ZNF248: variants seen among roughly 807,000 people sequenced by gnomAD.
ZNF248 encodes the protein KRAB protein domain.
Under a neutral mutation model 44.3 loss-of-function variants are expected in ZNF248, and 20 were observed. That is an observed-to-expected ratio of 0.45 (90% CI 0.32 to 0.66). The LOEUF is 0.66. ZNF248 is among the 30% of genes least tolerant of loss of function. The pLI is 0.04. For synonymous variants in ZNF248, 224 were observed against 229.0 expected, an observed-to-expected ratio of 0.98 and a Z score of 0.20; for missense variants, 654 against 677.0, an observed-to-expected ratio of 0.97 and a Z score of 0.38.
At chr10:37,856,684 T>G (rs1415575188) in intron 1 of ZNF248, 152 bp from the exon 2 acceptor site, 2 of 1,005,220 alleles carry the variant, frequency 2.0e-6, no homozygotes, top group African/African-American at 3.5e-5. Flanking sequence ...GTTAACACCA[T>G]TAATGCCCTG....
At chr10:37,780,111 A>C (rs1343619612) in intron 6 of ZNF248, among the ~76,000 whole-genome samples, 1 of 150,170 alleles carries the variant, frequency 6.7e-6, no homozygotes, top group Non-Finnish European at 1.5e-5. Flanking sequence ...TACAGATTCA[A>C]TGCCATCCCC....
chr10:37,838,780 T>C (rs1334829833), intron 3 of ZNF248, among the ~76,000 whole-genome samples: 4 of 150,424 alleles, frequency 2.7e-5, no homozygotes, highest in African/African-American at 9.7e-5. Flanking sequence ...CAGGTGACCG[T>C]GATAGTAGAA....
chr10:37,828,364 C>A (rs575510559), downstream of ZNF248, among the ~76,000 whole-genome samples: 1 of 152,274 alleles, frequency 6.6e-6, no homozygotes, highest in African/African-American at 2.4e-5. Context: ...TCATAGCCAT[C>A]TTCTTTTCTT....
At chr10:37,784,205 C>A (rs2047621338) in intron 6 of ZNF248, 1 of 152,280 alleles carries the variant, frequency 6.6e-6, no homozygotes. Flanking sequence ...TATAATCTGA[C>A]TGAAACCAAG....
intron 5 of ZNF248, among the ~76,000 whole-genome samples, chr10:37,835,017 G>T (rs1396053671): frequency 6.6e-6 from 1 of 151,552 alleles, no homozygotes; most frequent in Non-Finnish European, 1.5e-5. Context: ...TGACACAAAG[G>T]TTTAAAACTA....
At position 37,831,058 on chromosome 10, in the gene ZNF248, A is replaced by C; in HGVS notation, c.*557T>G. ...TACATATACACACAAACATATGTAC[A>C]TACACATATATAATTATGTCAACCT... On this transcript the variant is annotated 3_prime_UTR_variant, in exon 6 of 6. Coordinates refer to ENST00000395867, the MANE Select transcript of ZNF248 (RefSeq NM_021045.3). 1 of 1,228,104 alleles carries C rather than the reference A, an allele frequency of 8.1e-7. No homozygotes were observed. 76.1% of individuals were successfully genotyped at this position (1,228,104 alleles called of 1,614,324 possible).
At chr10:37,834,321 C>G (rs1399486203) in intron 5 of ZNF248, among the ~76,000 whole-genome samples, 2 of 152,100 alleles carry the variant, frequency 1.3e-5, no homozygotes, top group Non-Finnish European at 2.9e-5. Flanking sequence ...GAGTCCAGAA[C>G]TTGGCAGGTG....
At chr10:37,842,090 G>T (rs1208524207) in intron 3 of ZNF248, among the ~76,000 whole-genome samples, 1 of 152,130 alleles carries the variant, frequency 6.6e-6, no homozygotes, top group Non-Finnish European at 1.5e-5. Context: ...TGTGACAAAT[G>T]TACTACATTA....
At chr10:37,844,769 C>T (rs138278295) in intron 3 of ZNF248, among the ~76,000 whole-genome samples, 34 of 152,080 alleles carry the variant, frequency 2.2e-4, no homozygotes, top group African/African-American at 6.5e-4. Context: ...TCAAAATATG[C>T]TACAAAAAAT....
intron 3 of ZNF248, among the ~76,000 whole-genome samples, chr10:37,854,423 A>G (rs1014679896): frequency 6.6e-6 from 1 of 152,230 alleles, no homozygotes; most frequent in Middle Eastern, 3.2e-3. Context: ...AGATACTAAC[A>G]GTTAAGTTCA....
At chr10:37,817,501 G>A (rs2052692868) in intron 6 of ZNF248, among the ~76,000 whole-genome samples, 1 of 152,024 alleles carries the variant, frequency 6.6e-6, no homozygotes. Context: ...TTTGTCCAAT[G>A]ACAAAAACCC....
chr10:37,767,733 C>G, the ZNF248 span, among the ~76,000 whole-genome samples: 1 of 152,142 alleles, frequency 6.6e-6, no homozygotes, highest in Non-Finnish European at 1.5e-5. Context: ...AGCAAAATAA[C>G]CAGCTAACAT....
At position 37,829,621 on chromosome 10, in the gene ZNF248, T is replaced by C; in HGVS notation, c.*1994A>G. 1 of 985,256 alleles carries C rather than the reference T, an allele frequency of 1.0e-6. No homozygotes were observed. Among genetic ancestry groups the C allele is most frequent in the Non-Finnish European group, 1.2e-6 (1 of 829,908 alleles). The allele number at this position is 985,256 out of a possible 1,614,324, so 61.0% of individuals were successfully genotyped here. On this transcript the variant is annotated 3_prime_UTR_variant, in exon 6 of 6. Coordinates refer to ENST00000395867, the MANE Select transcript of ZNF248 (RefSeq NM_021045.3). The stretch of plus-strand genomic sequence containing the variant: ...TAGAGAACAGGTATAGAGAGCAGAG[T>C]AGCTCGGCAACGTCACCTCTGAGCT...
chr10:37,838,211 G>A, intron 3 of ZNF248, 100 bp from the exon 4 acceptor site: 1 of 1,113,702 alleles, frequency 9.0e-7, no homozygotes, highest in Non-Finnish European at 1.3e-6. Flanking sequence ...AAAAATGACA[G>A]GTTACCTCCC....
intron 5 of ZNF248, among the ~76,000 whole-genome samples, chr10:37,836,611 T>G (rs1437953644): frequency 6.6e-6 from 1 of 152,178 alleles, no homozygotes; most frequent in Non-Finnish European, 1.5e-5. Context: ...AAAGGTTTTC[T>G]CTAACCTACT....
chr10:37,839,771 G>A (rs1372091633), intron 3 of ZNF248, among the ~76,000 whole-genome samples: 2 of 152,126 alleles, frequency 1.3e-5, no homozygotes, highest in African/African-American at 4.8e-5. Context: ...CAAGCAGGCA[G>A]AAAATCAGTA....
chr10:37,823,398 A>G (rs2053819458), intron 6 of ZNF248, among the ~76,000 whole-genome samples: 1 of 151,766 alleles, frequency 6.6e-6, no homozygotes, highest in Non-Finnish European at 1.5e-5. Flanking sequence ...TTTTTAACAA[A>G]AAAATGAAAC....
intron 3 of ZNF248, among the ~76,000 whole-genome samples, chr10:37,847,260 C>T (rs1003877782): frequency 1.3e-5 from 2 of 152,076 alleles, no homozygotes; most frequent in Non-Finnish European, 2.9e-5. Context: ...GTCACCCAGG[C>T]TGGAGTACAG....
At chr10:37,823,618 G>A (rs2053861957) in intron 6 of ZNF248, among the ~76,000 whole-genome samples, 1 of 151,848 alleles carries the variant, frequency 6.6e-6, no homozygotes, top group Non-Finnish European at 1.5e-5. Flanking sequence ...CTGTTGCCCA[G>A]GCTGGAGGGC....
Sources: allele counts gnomAD v4.1 joint callset (sites outside exome capture counted in the v4.1 genomes callset), GRCh38; gene constraint gnomAD v4.1.1; transcripts MANE v1.5; gene names NCBI Gene and HGNC (gene_info 2026-07-23, HGNC 2026-07-21).